The following LGSN variants were observed in gnomAD, a reference collection of about 807,000 sequenced individuals.
LGSN encodes the protein lengsin, lens protein with glutamine synthetase domain.
LGSN carries 21 observed loss-of-function variants against 19.5 expected under a neutral mutation model. The observed-to-expected ratio is 1.07, with a 90% CI of 0.76 to 1.55. The LOEUF (loss-of-function observed/expected upper bound fraction) is 1.55. Among genes scored for constraint, LGSN ranks in the 40% most tolerant of loss-of-function variants. The probability of loss-of-function intolerance (pLI) is 0.00; values close to 1 mark genes in which losing one functional copy is unlikely to be tolerated. For synonymous variants in LGSN, 257 were observed against 215.6 expected (o/e 1.19, Z -1.68); for missense variants, 673 against 608.5 (o/e 1.11, Z -1.12).
the LGSN span, among the ~76,000 whole-genome samples, chr6:63,436,347 C>T: frequency 2.0e-5 from 3 of 152,296 alleles, no homozygotes; most frequent in African/African-American, 4.8e-5. Context: ...GGTGATCCAC[C>T]CACCTCACCT....
chr6:63,383,662 T>C, the LGSN span, among the ~76,000 whole-genome samples: 2 of 152,164 alleles, frequency 1.3e-5, no homozygotes, highest in Non-Finnish European at 2.9e-5. Context: ...ACAAGTCATA[T>C]ACTAGATTCA....
At chr6:63,330,955 C>T in the LGSN span, among the ~76,000 whole-genome samples, 1 of 152,218 alleles carries the variant, frequency 6.6e-6, no homozygotes, top group African/African-American at 2.4e-5. Context: ...TCAGGATCAT[C>T]TGAAAACTTC....
chr6:63,477,693 T>C, the LGSN span, among the ~76,000 whole-genome samples: 332 of 110,586 alleles, frequency 3.0e-3, 3 homozygotes, highest in Admixed American at 5.7e-3. Context: ...TTTTCTTTTT[T>C]TTTTTTTTTT....
At chr6:63,552,242 G>C in the LGSN span, among the ~76,000 whole-genome samples, 1 of 152,186 alleles carries the variant, frequency 6.6e-6, no homozygotes, top group Non-Finnish European at 1.5e-5. Context: ...GTGTGAGATG[G>C]TATCTCATTG....
At chr6:63,321,881 T>C (rs1769094001), upstream of LGSN, among the ~76,000 whole-genome samples, 1 of 152,198 alleles carries the variant, frequency 6.6e-6, no homozygotes, top group Admixed American at 6.5e-5. Flanking sequence ...GAGCCATGAA[T>C]GTAAATGATA....
chr6:63,358,481 A>C, the LGSN span, among the ~76,000 whole-genome samples: 1 of 152,174 alleles, frequency 6.6e-6, no homozygotes, highest in Non-Finnish European at 1.5e-5. Flanking sequence ...ATGTTCTTCC[A>C]TTTGTTTGTA....
chr6:63,487,772 G>C, the LGSN span, among the ~76,000 whole-genome samples: 16 of 152,298 alleles, frequency 1.1e-4, no homozygotes, highest in Middle Eastern at 3.4e-3. Context: ...CCTAAGGCCA[G>C]GATTTTGAGA....
chr6:63,385,728 G>A, the LGSN span, among the ~76,000 whole-genome samples: 1 of 152,160 alleles, frequency 6.6e-6, no homozygotes, highest in South Asian at 2.1e-4. Context: ...TCTTAGGTGG[G>A]AATTACAATC....
At chr6:63,444,655 G>A in the LGSN span, among the ~76,000 whole-genome samples, 1 of 152,244 alleles carries the variant, frequency 6.6e-6, no homozygotes. Context: ...TGAGAAGCAG[G>A]ACTTTATGAA....
chr6:63,412,404 AAAGAAAGAAAG>A, the LGSN span, among the ~76,000 whole-genome samples: 9 of 134,358 alleles, frequency 6.7e-5, no homozygotes, highest in East Asian at 2.0e-4. Flanking sequence ...AGAAGGAAAG[AAAGAAAGAAAG>A]AAGAAAGAAA....
the LGSN span, among the ~76,000 whole-genome samples, chr6:63,329,831 A>G: frequency 6.6e-6 from 1 of 152,214 alleles, no homozygotes; most frequent in Non-Finnish European, 1.5e-5. Context: ...ATGTGAAAAG[A>G]GCAAAGTCTC....
the LGSN span, among the ~76,000 whole-genome samples, chr6:63,448,737 TA>T: frequency 6.6e-6 from 1 of 152,226 alleles, no homozygotes; most frequent in Non-Finnish European, 1.5e-5. Flanking sequence ...TCATTTTTGT[TA>T]AAATTCACAT....
the LGSN span, among the ~76,000 whole-genome samples, chr6:63,495,350 G>T: frequency 6.6e-6 from 1 of 151,738 alleles, no homozygotes; most frequent in Non-Finnish European, 1.5e-5. Context: ...TTAGCAAGTA[G>T]CAGAGAAGAG....
chr6:63,492,172 C>G, the LGSN span, among the ~76,000 whole-genome samples: 1 of 152,114 alleles, frequency 6.6e-6, no homozygotes, highest in Admixed American at 6.5e-5. Flanking sequence ...TTCAAACTTC[C>G]TAAAACATCT....
the LGSN span, among the ~76,000 whole-genome samples, chr6:63,466,682 C>A: frequency 1.3e-5 from 2 of 152,070 alleles, no homozygotes; most frequent in Admixed American, 6.5e-5. Flanking sequence ...AAAGTAAAGT[C>A]AAGTATGACT....
chr6:63,556,549 G>A, the LGSN span, among the ~76,000 whole-genome samples: 1 of 151,988 alleles, frequency 6.6e-6, no homozygotes, highest in Non-Finnish European at 1.5e-5. Context: ...TTTTTCTCAG[G>A]GCGTGGTTTC....
the LGSN span, among the ~76,000 whole-genome samples, chr6:63,331,339 C>T: frequency 6.6e-6 from 1 of 152,120 alleles, no homozygotes; most frequent in East Asian, 1.9e-4. Flanking sequence ...CAGGATAGTA[C>T]TGTAATTTGT....
chr6:63,413,616 T>A, the LGSN span, among the ~76,000 whole-genome samples: 11 of 152,316 alleles, frequency 7.2e-5, no homozygotes, highest in South Asian at 1.9e-3. Context: ...AGCAGGAATC[T>A]CAAATTATCC....
At chr6:63,334,484 T>C in the LGSN span, among the ~76,000 whole-genome samples, 1 of 152,174 alleles carries the variant, frequency 6.6e-6, no homozygotes, top group Non-Finnish European at 1.5e-5. Context: ...GAAAGACTAA[T>C]TCCATGCTCA....
Sources: allele counts gnomAD v4.1 joint callset (sites outside exome capture counted in the v4.1 genomes callset), GRCh38; gene constraint gnomAD v4.1.1; transcripts MANE v1.5; gene names NCBI Gene and HGNC (gene_info 2026-07-23, HGNC 2026-07-21).